The following LRCH1 variants were observed in gnomAD, a reference collection of about 807,000 sequenced individuals.
LRCH1 encodes leucine-rich repeat and calponin homology domain-containing protein 1.
In LRCH1, 23 loss-of-function variants were observed where a neutral mutation model predicts 94.9. That is an observed-to-expected ratio of 0.24 (90% confidence interval 0.17 to 0.34). The LOEUF (loss-of-function observed/expected upper bound fraction) is 0.34, where lower values mean the gene tolerates loss of function less well. Among genes scored for constraint, LRCH1 ranks in the 10% least tolerant of loss-of-function variants. The probability of loss-of-function intolerance (pLI) is 1.00; values close to 1 mark genes in which losing one functional copy is unlikely to be tolerated. For synonymous variants in LRCH1, 364 were observed against 354.9 expected (o/e 1.03, Z -0.29); for missense variants, 790 against 945.9 (o/e 0.84, Z 2.16).
At position 46,681,701 on chromosome 13, in the gene LRCH1, A is replaced by T. The variant is rs1195259079; in HGVS notation, c.580-40A>T. 3 of 1,371,456 alleles carry T rather than the reference A, an allele frequency of 2.2e-6. No individual in the cohort carries two copies. In the African/African-American group the frequency reaches 4.3e-5, roughly 20 times the overall value. The allele number at this position is 1,371,456 out of a possible 1,614,324, so 85.0% of individuals were successfully genotyped here. On this transcript the variant is annotated intron_variant, in intron 3 of 19. Transcript: ENST00000389797. ...TCACATGAAATGCTTGATTTCCTGG[A>T]AAAAGATGTTTATTATTTCTCTCTC... is the stretch of plus-strand genomic sequence containing the variant.
chr13:46,619,132 CAG>C (rs1473261974), intron 1 of LRCH1, among the ~76,000 whole-genome samples: 2 of 114,924 alleles, frequency 1.7e-5, no homozygotes, highest in African/African-American at 6.9e-5. Flanking sequence ...GTTTTTGAGA[CAG>C]AGTCTTGCTC....
chr13:46,610,438 ATTAAG>A (rs775555761), intron 1 of LRCH1, among the ~76,000 whole-genome samples: 12 of 150,350 alleles, frequency 8.0e-5, no homozygotes, highest in Non-Finnish European at 1.6e-4. Flanking sequence ...GTAATATTTT[ATTAAG>A]TTATCTACCC....
chr13:46,618,186 G>T (rs768838782), intron 1 of LRCH1, among the ~76,000 whole-genome samples: 2 of 152,094 alleles, frequency 1.3e-5, no homozygotes, highest in Non-Finnish European at 2.9e-5. Context: ...CTACAAACCC[G>T]CATGGCATGT....
In LRCH1 at chr13:46,741,745, C is replaced by T. The variant is rs1396175694; in HGVS notation, c.2189C>T (p.Thr730Ile). The change falls in exon 20 of 20, where the codon ACT becomes ATT. Residue 730 changes from threonine (T) to isoleucine (I), a missense_variant. By Grantham distance (89) the Thr-to-Ile change is moderately conservative. Coordinates refer to ENST00000389797, the MANE Select transcript of LRCH1 (RefSeq NM_001164211.2). Reference protein sequence around the residue: ...LALGEKAPPPTSALRSRDLIG... With the variant: ...LALGEKAPPPISALRSRDLIG... Reference sequence around the variant, plus strand: ...CTCGGGGAGAAAGCCCCACCACCAACTTCTGCCCTCCGCTCCAGGGACCTT... The same window carrying T: ...CTCGGGGAGAAAGCCCCACCACCAATTTCTGCCCTCCGCTCCAGGGACCTT... 6.2e-7 allele frequency: 1 copy of T among 1,614,252 alleles called. No individual in the cohort carries two copies. The highest frequency in any genetic ancestry group is 1.3e-5 in the African/African-American group (1 of 75,072).
At chr13:46,748,915 G>A (rs1307695709), downstream of LRCH1, among the ~76,000 whole-genome samples, 1 of 152,210 alleles carries the variant, frequency 6.6e-6, no homozygotes, top group East Asian at 1.9e-4. Context: ...ACGGTAAGAT[G>A]GTGAGAGAGT....
At chr13:46,588,104 T>G (rs1470373836) in intron 1 of LRCH1, among the ~76,000 whole-genome samples, 2 of 152,228 alleles carry the variant, frequency 1.3e-5, no homozygotes, top group African/African-American at 4.8e-5. Context: ...GTAAAAACAC[T>G]GAGTTATTTG....
At chr13:46,712,293 G>A (rs916283548) in intron 14 of LRCH1, among the ~76,000 whole-genome samples, 1 of 152,170 alleles carries the variant, frequency 6.6e-6, no homozygotes, top group Non-Finnish European at 1.5e-5. Flanking sequence ...ATTGTAAAAT[G>A]TTCTTAAAAT....
At chr13:46,580,812 G>A (rs2050356445) in intron 1 of LRCH1, among the ~76,000 whole-genome samples, 1 of 152,180 alleles carries the variant, frequency 6.6e-6, no homozygotes, top group South Asian at 2.1e-4. Flanking sequence ...GAACAAAGAG[G>A]AACAGAGCCC....
intron 1 of LRCH1, among the ~76,000 whole-genome samples, chr13:46,588,542 A>G (rs1234628491): frequency 6.6e-6 from 1 of 151,696 alleles, no homozygotes; most frequent in African/African-American, 2.4e-5. Context: ...CTGTATATCT[A>G]CTACCTAAAT....
chr13:46,674,236 G>T lies in LRCH1; in HGVS notation c.579+5080G>T, dbSNP rs183814814. 3.9e-5 allele frequency among the ~76,000 whole-genome samples: 6 copies of T among 152,240 alleles called. No homozygotes were observed. In the East Asian group the frequency reaches 1.2e-3, roughly 29 times the overall value. On this transcript the variant is annotated intron_variant, in intron 3 of 19. Coordinates refer to ENST00000389797, the MANE Select transcript of LRCH1 (RefSeq NM_001164211.2). ...GTGAAAGGAATTGGAGTTGGAAAAT[G>T]GTATCTTATCTTTCTAAATACATTA...
chr13:46,588,582 TTCTC>T (rs373354153), intron 1 of LRCH1, among the ~76,000 whole-genome samples: 51 of 147,922 alleles, frequency 3.4e-4, no homozygotes, highest in African/African-American at 9.2e-4. Flanking sequence ...TGTATTTCGT[TTCTC>T]TCTCTCTGTC....
chr13:46,654,830 T>A (rs1652507586), intron 2 of LRCH1, among the ~76,000 whole-genome samples: 1 of 152,212 alleles, frequency 6.6e-6, no homozygotes, highest in African/African-American at 2.4e-5. Flanking sequence ...AATTTTCCTC[T>A]TATTTCTATT....
chr13:46,625,426 G>T (rs1375058985), intron 1 of LRCH1, among the ~76,000 whole-genome samples: 2 of 152,164 alleles, frequency 1.3e-5, no homozygotes, highest in Admixed American at 6.5e-5. Context: ...GGTCGTGAGG[G>T]TGGAGCCCAC....
At chr13:46,722,133 C>A (rs902012122) in intron 16 of LRCH1, among the ~76,000 whole-genome samples, 3 of 152,172 alleles carry the variant, frequency 2.0e-5, no homozygotes, top group Admixed American at 6.5e-5. Context: ...AAAAATTACA[C>A]ATTCTTTCTT....
chr13:46,657,547 C>T (rs1305528496), intron 2 of LRCH1, among the ~76,000 whole-genome samples: 1 of 40,778 alleles, frequency 2.5e-5, no homozygotes, highest in African/African-American at 9.3e-5. Flanking sequence ...TTTTTTGAGG[C>T]AGGGTCTTGC....
intron 1 of LRCH1, among the ~76,000 whole-genome samples, chr13:46,621,526 G>A (rs767332012): frequency 2.0e-5 from 3 of 152,262 alleles, no homozygotes; most frequent in Middle Eastern, 3.4e-3. Context: ...TAATTGCAGT[G>A]GCATTAGAAA....
chr13:46,565,685 C>T (rs2050174929), intron 1 of LRCH1, among the ~76,000 whole-genome samples: 2 of 151,650 alleles, frequency 1.3e-5, no homozygotes, highest in African/African-American at 2.4e-5. Context: ...GTGGTGGGCA[C>T]CTGTAATCCA....
intron 2 of LRCH1, among the ~76,000 whole-genome samples, chr13:46,654,444 T>C (rs748588813): frequency 1.3e-5 from 2 of 152,208 alleles, no homozygotes; most frequent in African/African-American, 2.4e-5. Flanking sequence ...CTTTTGACCT[T>C]TGGGGAGAGA....
intron 1 of LRCH1, among the ~76,000 whole-genome samples, chr13:46,643,426 C>G (rs2051182858): frequency 6.6e-6 from 1 of 152,204 alleles, no homozygotes; most frequent in Admixed American, 6.5e-5. Flanking sequence ...TCATTCCTTC[C>G]TTTCTCTCTT....
Sources: gnomAD v4.1 joint callset for allele counts (sites outside exome capture counted in the v4.1 genomes callset) on GRCh38, gnomAD v4.1.1 for gene constraint, MANE v1.5 for transcripts, NCBI Gene and HGNC (gene_info 2026-07-23, HGNC 2026-07-21) for gene names.